Variants in MYO15A observed in about 807,000 individuals in gnomAD.
MYO15A encodes the protein myosin XVA, also known as unconventional myosin-XV.
MYO15A carries 308 observed loss-of-function variants against 394.6 expected under a neutral mutation model. The observed-to-expected ratio is 0.78, with a 90% CI of 0.71 to 0.86. The LOEUF is 0.86. MYO15A is among the 40% of genes least tolerant of loss of function. The pLI, the probability that MYO15A is intolerant of heterozygous loss-of-function variation, is 0.00. For missense variants in MYO15A, 4,606 were observed against 4,799.1 expected (o/e 0.96, Z 1.19); for synonymous variants, 1,957 against 2,003.8 (o/e 0.98, Z 0.62).
chr17:18,109,074 T>C (rs2045690328), intron 1 of MYO15A: 1 of 152,280 alleles, frequency 6.6e-6, no homozygotes, highest in Non-Finnish European at 1.5e-5. Flanking sequence ...CTCCTGACTG[T>C]CCTGATGCCT....
chr17:18,112,123 C>A (rs758312018), intron 1 of MYO15A, among the ~76,000 whole-genome samples: 24 of 152,248 alleles, frequency 1.6e-4, no homozygotes, highest in Non-Finnish European at 7.3e-5. Flanking sequence ...GACAGACAGA[C>A]AAGGCTCCCC....
rs1167153029 is a variant in MYO15A, at chr17:18,179,552, C to T, written c.*682C>T. The stretch of plus-strand genomic sequence containing the variant: ...GACCCCCATCACTTGATGGGCCACA[C>T]AAGTTTGAGAGTGGTACAAGGGAGA... On this transcript the variant is annotated 3_prime_UTR_variant, in exon 66 of 66. Coordinates refer to ENST00000647165, the MANE Select transcript of MYO15A (RefSeq NM_016239.4). The T allele has an allele frequency of 6.4e-6, 1 of 155,932 alleles. No individual in the cohort carries two copies. The highest frequency in any genetic ancestry group is 6.2e-5 in the Admixed American group (1 of 16,200). The allele number at this position is 155,932 out of a possible 1,614,324, so 9.7% of individuals were successfully genotyped here. A position where few individuals can be genotyped will look rare whatever the true frequency, so the allele number is the denominator to read the frequency against.
At chr17:18,160,533 C>A (rs778291483) in intron 56 of MYO15A, among the ~76,000 whole-genome samples, 6 of 152,180 alleles carry the variant, frequency 3.9e-5, no homozygotes, top group Non-Finnish European at 5.9e-5. Context: ...TGTAGAAATT[C>A]TTAAATCCAG....
chr17:18,133,491 A>C, intron 12 of MYO15A, 105 bp downstream of exon 12: 2 of 1,416,512 alleles, frequency 1.4e-6, no homozygotes, highest in Non-Finnish European at 1.9e-6. Flanking sequence ...TGCACATATC[A>C]CTTGTTCCTG....
Position 18,161,391 on chromosome 17 carries a change from C to G in MYO15A, c.9461C>G (p.Pro3154Arg), listed in dbSNP as rs2046774444. ...CACAGCTGCTCTGAGGTCCTCCACC[C>G]ACACCTCACTCGCTTCCTCCAAGAC... ...AYHSCSEVLHPHLTRFLQDVS... is the reference protein window; with the variant it reads ...AYHSCSEVLHRHLTRFLQDVS... Residue 3154 changes from proline (P) to arginine (R), a missense_variant, in exon 57 of 66, where the codon CCA becomes CGA. Around this residue, in one of 2 missense-constraint regions of MYO15A, gnomAD observed 2,776 missense variants for 3,109.3 expected, o/e 0.89. Transcript: ENST00000647165. 3 of 1,613,974 alleles carry G rather than the reference C, an allele frequency of 1.9e-6. No individual in the cohort carries two copies. In the Admixed American group the frequency reaches 5.0e-5, roughly 27 times the overall value.
rs369425712 is a variant in MYO15A, at chr17:18,132,317, A to G, written c.4207-136A>G. ...TGGCACCAGGCTGGGAGCCTCACCC[A>G]TCACAGAGGCGCGTGTTCTCATCTG... On this transcript the variant is annotated intron_variant, in intron 10 of 65. Coordinates refer to ENST00000647165, the MANE Select transcript of MYO15A (RefSeq NM_016239.4). This position sits in a 1 kb window ranked among gnomAD's most constrained non-coding sequence, Gnocchi z 4.6. The G allele has an allele frequency of 2.6e-4, 183 of 704,878 alleles. No homozygotes were observed. In the African/African-American group the frequency reaches 2.8e-3, roughly 11 times the overall value. 43.7% of individuals were successfully genotyped at this position (704,878 alleles called of 1,614,324 possible). A position where few individuals can be genotyped will look rare whatever the true frequency, so the allele number is the denominator to read the frequency against.
chr17:18,130,679 G>A (rs2046138882), intron 7 of MYO15A, 126 bp from the exon 8 acceptor site: 8 of 1,540,252 alleles, frequency 5.2e-6, no homozygotes, highest in Middle Eastern at 3.4e-4. Flanking sequence ...GAGCCTCACA[G>A]GTTTTTACTA....
chr17:18,151,288 C>G lies in MYO15A; in HGVS notation c.7652C>G (p.Thr2551Ser), dbSNP rs546329395. ...VLAQDQASPE[T>S]TSPSPELVRY... ...GCTCAGGATCAGGCTTCTCCAGAAA[C>G]CAGTGAGTGCCCTATCCCAGCCTCT... The change falls in exon 39 of 66, where the codon ACC becomes AGC. Residue 2551 changes from threonine (T) to serine (S), a missense_variant and splice_region_variant. Thr to Ser is a moderately conservative substitution (Grantham distance 58, BLOSUM62 1). Coordinates refer to ENST00000647165, the MANE Select transcript of MYO15A (RefSeq NM_016239.4). 4 of 1,614,200 alleles carry G rather than the reference C, an allele frequency of 2.5e-6. No individual in the cohort carries two copies. The South Asian group carries it at 4.4e-5, about 18-fold the overall frequency.
chr17:18,120,807 C>G lies in MYO15A; in HGVS notation c.2007C>G (p.Pro669=). ...ALLSPPVPPR[P]PSSGPPPAPP... ...TGTCTCCGCCCGTGCCCCCGCGGCCCCCAAGCTCCGGGCCCCCGCCCGCGC... is the reference window on the plus strand; with the variant it reads ...TGTCTCCGCCCGTGCCCCCGCGGCCGCCAAGCTCCGGGCCCCCGCCCGCGC... The change falls in exon 2 of 66, where the codon CCC becomes CCG. Residue 669 remains proline (P), a synonymous_variant. Coordinates refer to ENST00000647165, the MANE Select transcript of MYO15A (RefSeq NM_016239.4). 1 of 1,277,298 alleles carries G rather than the reference C, an allele frequency of 7.8e-7. No homozygotes were observed. Among genetic ancestry groups the G allele is most frequent in the Non-Finnish European group, 9.9e-7 (1 of 1,013,788 alleles). 79.1% of individuals were successfully genotyped at this position (1,277,298 alleles called of 1,614,324 possible).
At chr17:18,175,771 C>G (rs560722103) in intron 65 of MYO15A, among the ~76,000 whole-genome samples, 3 of 152,176 alleles carry the variant, frequency 2.0e-5, no homozygotes, top group African/African-American at 7.2e-5. Context: ...CAGTCCTCTC[C>G]AGCTTTCCTC....
chr17:18,160,037 C>T lies in MYO15A; in HGVS notation c.9386+20C>T, dbSNP rs1303569091. The T allele has an allele frequency of 1.2e-6, 2 of 1,602,334 alleles. No homozygotes were observed. Among genetic ancestry groups the T allele is most frequent in the South Asian group, 1.1e-5 (1 of 90,618 alleles). On this transcript the variant is annotated intron_variant, in intron 56 of 65. Transcript: ENST00000647165. ...CAAGCAGTGAGTGAACTGGACTTTA[C>T]CCCACCATCCCCTCACTGTGTCCAT...
intron 13 of MYO15A, among the ~76,000 whole-genome samples, chr17:18,136,113 T>G (rs552055363): frequency 8.5e-4 from 129 of 152,198 alleles, no homozygotes; most frequent in Non-Finnish European, 1.4e-3. Flanking sequence ...CCCTAATCTT[T>G]GGACGGGTCA....
In MYO15A at chr17:18,126,353, A is replaced by G. The variant is rs757027868; in HGVS notation, c.3763A>G (p.Ile1255Val). ...RFERNLIYTY[I>V]GSILVSVNPY... ...GCCACCGTCTGCCCAGCAGACATAC[A>G]TTGGGAGCATCCTGGTGTCGGTGAA... The change falls in exon 5 of 66, where the codon ATT becomes GTT. Residue 1255 changes from isoleucine to valine, a missense_variant. This residue lies in a region of MYO15A where 2,776 missense variants were observed against 3,109.3 expected (regional missense o/e 0.89). Transcript: ENST00000647165. 6.2e-7 allele frequency: 1 copy of G among 1,613,602 alleles called. No homozygotes were observed. The highest frequency in any genetic ancestry group is 8.5e-7 in the Non-Finnish European group (1 of 1,179,722).
At chr17:18,149,072 T>C in intron 33 of MYO15A, 120 bp downstream of exon 33, 1 of 1,482,344 alleles carries the variant, frequency 6.7e-7, no homozygotes, top group East Asian at 2.5e-5. Context: ...GAACTTAGAC[T>C]TCAGGTTCTT....
chr17:18,157,495 C>T, intron 50 of MYO15A: 2 of 989,548 alleles, frequency 2.0e-6, no homozygotes, highest in Non-Finnish European at 1.5e-6. Flanking sequence ...GTCCACAAAC[C>T]CTGCTTTGCC....
In MYO15A at chr17:18,147,791, AC is replaced by A. The variant is rs2046506476; in HGVS notation, c.6510-235del. On this transcript the variant is annotated intron_variant, in intron 30 of 65. Transcript: ENST00000647165. This position sits in a 1 kb window ranked among gnomAD's most constrained non-coding sequence, Gnocchi z 4.4. ...CAGTTTAGCCGTGGGACTCTAAACTACCCTGAGATCTTTTGTAGGCTAGCCT... is the reference window on the plus strand; with the variant it reads ...CAGTTTAGCCGTGGGACTCTAAACTACCTGAGATCTTTTGTAGGCTAGCCT... Among the ~76,000 whole-genome samples, 1 of 152,006 alleles carries A rather than the reference AC, an allele frequency of 6.6e-6. No homozygotes were observed. The highest frequency in any genetic ancestry group is 2.4e-5 in the African/African-American group (1 of 41,394).
Position 18,158,970 on chromosome 17 carries a change from C to T in MYO15A, c.9129C>T (p.Thr3043=). ...LKSKEPRESR[T]LEDMLCFTKT... ...CCAAGGAGCCTCGGGAGTCCAGAAC[C>T]TTGGAGGACATGCTTTGCTTCACCA... Residue 3043 remains threonine, a synonymous_variant, in exon 53 of 66, where the codon ACC becomes ACT. Coordinates refer to ENST00000647165, the MANE Select transcript of MYO15A (RefSeq NM_016239.4). 1 of 1,614,098 alleles carries T rather than the reference C, an allele frequency of 6.2e-7. No homozygotes were observed. The highest frequency in any genetic ancestry group is 8.5e-7 in the Non-Finnish European group (1 of 1,179,952).
At chr17:18,160,522 CT>C (rs1278895905) in intron 56 of MYO15A, among the ~76,000 whole-genome samples, 1 of 152,204 alleles carries the variant, frequency 6.6e-6, no homozygotes, top group Non-Finnish European at 1.5e-5. Context: ...CCAATATTTG[CT>C]GTAGAAATTC....
intron 25 of MYO15A, 28 bp downstream of exon 25, chr17:18,142,868 A>C (rs777569657): frequency 1.1e-5 from 18 of 1,586,282 alleles, no homozygotes. Context: ...TCTGGGTCCA[A>C]GGGGACAGCA....
Sources: gnomAD v4.1 joint callset for allele counts (sites outside exome capture counted in the v4.1 genomes callset) on GRCh38, gnomAD v4.1.1 for gene constraint, gnomAD v4.1.1 regional missense constraint, Gnocchi (gnomAD v3.1) non-coding constraint, MANE v1.5 for transcripts, NCBI Gene and HGNC (gene_info 2026-07-23, HGNC 2026-07-21) for gene names.